TRIO: variants seen among roughly 807,000 people sequenced by gnomAD.
TRIO encodes triple functional domain protein.
In TRIO, 58 loss-of-function variants were observed where a neutral mutation model predicts 351.9. The ratio of observed to expected loss-of-function variants is 0.16; its 90% CI spans 0.13 to 0.21. TRIO has a LOEUF of 0.21. Among genes scored for constraint, TRIO ranks in the 10% least tolerant of loss-of-function variants. TRIO has a pLI of 1.00. For synonymous variants in TRIO, 1,758 were observed against 1,595.7 expected, an observed-to-expected ratio of 1.10 and a Z score of -2.42; for missense variants, 3,201 against 4,027.8, an observed-to-expected ratio of 0.79 and a Z score of 5.56.
chr5:14,190,503 C>T (rs1681804179), intron 1 of TRIO, among the ~76,000 whole-genome samples: 1 of 151,994 alleles, frequency 6.6e-6, no homozygotes, highest in Non-Finnish European at 1.5e-5. Flanking sequence ...CTGAGTCAGT[C>T]TGAGGAGAGT....
chr5:14,379,784 T>C (rs1471461515), intron 20 of TRIO, among the ~76,000 whole-genome samples: 1 of 152,226 alleles, frequency 6.6e-6, no homozygotes, highest in Non-Finnish European at 1.5e-5. Flanking sequence ...GTCCGCTTAT[T>C]CACCGAAAAT....
chr5:14,416,390 A>T (rs1224692387), intron 33 of TRIO, among the ~76,000 whole-genome samples: 1 of 151,962 alleles, frequency 6.6e-6, no homozygotes, highest in East Asian at 1.9e-4. Context: ...CATCCCCAGG[A>T]CAGCTCTTCT....
At chr5:14,333,280 C>G (rs1484544566) in intron 10 of TRIO, among the ~76,000 whole-genome samples, 1 of 152,164 alleles carries the variant, frequency 6.6e-6, no homozygotes, top group Admixed American at 6.5e-5. Flanking sequence ...CTTCTTGGGT[C>G]CACTGTTAGT....
chr5:14,384,738 A>G (rs1271768065), intron 21 of TRIO, among the ~76,000 whole-genome samples: 1 of 152,216 alleles, frequency 6.6e-6, no homozygotes, highest in Admixed American at 6.5e-5. Context: ...AAATGACACA[A>G]AATCCAAACC....
In TRIO at chr5:14,364,030, GATAAAGGTATT is replaced by G. The variant is rs1744383284; in HGVS notation, c.2587+107_2587+117del. 3 of 1,167,140 alleles carry G rather than the reference GATAAAGGTATT, an allele frequency of 2.6e-6. No individual in the cohort carries two copies. In the East Asian group the frequency reaches 7.5e-5, roughly 29 times the overall value. 72.3% of individuals were successfully genotyped at this position (1,167,140 alleles called of 1,614,324 possible). A position where few individuals can be genotyped will look rare whatever the true frequency, so the allele number is the denominator to read the frequency against. Reference sequence around the variant, plus strand: ...GACTGCAAATTTTGTTAGTTCCTATGATAAAGGTATTATAGATACCTGTTCTTTAAAAGAAC... The same window carrying G: ...GACTGCAAATTTTGTTAGTTCCTATGATAGATACCTGTTCTTTAAAAGAAC... On this transcript the variant is annotated intron_variant, in intron 14 of 56. Transcript: ENST00000344204.
intron 49 of TRIO, 54 bp from the exon 50 acceptor site, chr5:14,496,825 C>T: frequency 1.3e-6 from 2 of 1,596,958 alleles, no homozygotes; most frequent in South Asian, 1.1e-5. Flanking sequence ...TTCCAGGCAG[C>T]ACTTGGTGAA....
intron 6 of TRIO, among the ~76,000 whole-genome samples, chr5:14,296,215 G>A (rs913218003): frequency 6.6e-6 from 1 of 152,076 alleles, no homozygotes; most frequent in African/African-American, 2.4e-5. Context: ...AGGTATCTAC[G>A]ATTTTGGGGG....
intron 36 of TRIO, among the ~76,000 whole-genome samples, chr5:14,463,990 G>A (rs1754035912): frequency 6.6e-6 from 1 of 152,136 alleles, no homozygotes; most frequent in Admixed American, 6.5e-5. Context: ...TGTGGGGCCT[G>A]CAATGATGGC....
intron 1 of TRIO, among the ~76,000 whole-genome samples, chr5:14,170,361 T>C (rs1257984566): frequency 2.0e-5 from 3 of 152,196 alleles, no homozygotes; most frequent in African/African-American, 7.2e-5. Flanking sequence ...TGTTGTACAT[T>C]TGCTTTTGGT....
chr5:14,358,913 A>G (rs1743878006), intron 12 of TRIO, among the ~76,000 whole-genome samples: 1 of 152,222 alleles, frequency 6.6e-6, no homozygotes, highest in Non-Finnish European at 1.5e-5. Flanking sequence ...TCGTTGACTG[A>G]TAACTTTACG....
At chr5:14,210,970 G>A (rs972467773) in intron 1 of TRIO, among the ~76,000 whole-genome samples, 2 of 151,458 alleles carry the variant, frequency 1.3e-5, no homozygotes, top group Non-Finnish European at 2.9e-5. Flanking sequence ...TCCTGCCCTT[G>A]TAAGTTTGCC....
rs753468657 is a variant in TRIO at position 14,508,286 on chromosome 5, G to C, written c.9158G>C (p.Gly3053Ala). 1 of 1,613,888 alleles carries C rather than the reference G, an allele frequency of 6.2e-7. No homozygotes were observed. The highest frequency in any genetic ancestry group is 8.5e-7 in the Non-Finnish European group (1 of 1,180,038). Residue 3053 changes from glycine (G) to alanine (A), a missense_variant, in exon 57 of 57, where the codon GGC becomes GCC. Coordinates refer to ENST00000344204, the MANE Select transcript of TRIO (RefSeq NM_007118.4). The stretch of plus-strand genomic sequence containing the variant: ...CTCCAGGAGCAGTGGCTGCAGGCCG[G>C]CAACGGCAGAAGCACGGGCGTCCTC... ...LALQEQWLQA[G>A]NGRSTGVLDT...
rs1756584384 is a variant in TRIO at position 14,492,785 on chromosome 5, C to T, written c.7851C>T (p.Val2617=). Reference sequence around the variant, plus strand: ...TTGTCCTGGGCCACACCAGTGCAGTCATCGTGGAGAACCCGGACGGGACTC... The same window carrying T: ...TTGTCCTGGGCCACACCAGTGCAGTTATCGTGGAGAACCCGGACGGGACTC... ...PGFVLGHTSA[V]IVENPDGTLK... is the part of the protein sequence containing the mutation. The change falls in exon 49 of 57, where the codon GTC becomes GTT. Residue 2617 remains valine (V), a synonymous_variant. Transcript: ENST00000344204. 2 of 1,614,050 alleles carry T rather than the reference C, an allele frequency of 1.2e-6. No homozygotes were observed. The highest frequency in any genetic ancestry group is 1.7e-6 in the Non-Finnish European group (2 of 1,180,014).
chr5:14,353,601 AT>A (rs1044015115), intron 11 of TRIO, among the ~76,000 whole-genome samples: 3 of 152,108 alleles, frequency 2.0e-5, no homozygotes, highest in African/African-American at 7.2e-5. Context: ...TACCATGCCC[AT>A]TTTATAGATG....
At chr5:14,272,822 GA>G (rs971327025) in intron 2 of TRIO, among the ~76,000 whole-genome samples, 1 of 152,120 alleles carries the variant, frequency 6.6e-6, no homozygotes, top group African/African-American at 2.4e-5. Flanking sequence ...CTTTAGGAGG[GA>G]AAAAAACCAT....
At chr5:14,484,385 C>T (rs577053791) in intron 46 of TRIO, among the ~76,000 whole-genome samples, 7 of 152,222 alleles carry the variant, frequency 4.6e-5, no homozygotes, top group South Asian at 2.1e-4. Context: ...TAATCCCAGA[C>T]GCATATTTCT....
chr5:14,284,072 C>T (rs542544404), intron 3 of TRIO, among the ~76,000 whole-genome samples: 11 of 151,934 alleles, frequency 7.2e-5, no homozygotes, highest in Admixed American at 1.3e-4. Context: ...TGAAATGATA[C>T]GAAGATTTTT....
rs747183236 is a variant in TRIO at position 14,509,452 on chromosome 5, G to T, written c.*1030G>T. 1 of 465,940 alleles carries T rather than the reference G, an allele frequency of 2.1e-6. No homozygotes were observed. The highest frequency in any genetic ancestry group is 4.3e-6 in the Non-Finnish European group (1 of 231,742). The allele number at this position is 465,940 out of a possible 1,614,324, so 28.9% of individuals were successfully genotyped here. A position where few individuals can be genotyped will look rare whatever the true frequency, so the allele number is the denominator to read the frequency against. On this transcript the variant is annotated 3_prime_UTR_variant, in exon 57 of 57. Coordinates refer to ENST00000344204, the MANE Select transcript of TRIO (RefSeq NM_007118.4). Reference sequence around the variant, plus strand: ...TGCCATCGGTTCAAAGAGACTTTTCGTGAAATTTGTTGGTTTTGAGGACTG... The same window carrying T: ...TGCCATCGGTTCAAAGAGACTTTTCTTGAAATTTGTTGGTTTTGAGGACTG...
intron 38 of TRIO, 123 bp downstream of exon 38, chr5:14,471,589 T>C: frequency 7.8e-7 from 1 of 1,283,420 alleles, no homozygotes; most frequent in Non-Finnish European, 1.1e-6. Context: ...GGCCTCTCAT[T>C]AAGTAACTGC....
Sources: gnomAD v4.1 joint callset for allele counts (sites outside exome capture counted in the v4.1 genomes callset) on GRCh38, gnomAD v4.1.1 for gene constraint, MANE v1.5 for transcripts, NCBI Gene and HGNC (gene_info 2026-07-23, HGNC 2026-07-21) for gene names.